The following DGKD variants were observed in gnomAD, a reference collection of about 807,000 sequenced individuals.
The protein encoded by DGKD is DAG kinase delta.
In DGKD, 68 loss-of-function variants were observed where a neutral mutation model predicts 154.4. The observed-to-expected ratio is 0.44, with a 90% CI of 0.36 to 0.54. The LOEUF is 0.54. Ranked by LOEUF, DGKD falls within the 20% of genes least tolerant of loss-of-function variation. DGKD has a pLI of 0.00. For synonymous variants in DGKD, 693 were observed against 638.0 expected (o/e 1.09, Z -1.30); for missense variants, 1,343 against 1,593.6 (o/e 0.84, Z 2.68).
rs1280082214 is a variant in DGKD at position 233,457,012 on chromosome 2, T to G, written c.2472+17T>G. 1.3e-6 allele frequency: 2 copies of G among 1,595,682 alleles called. No individual in the cohort carries two copies. Among genetic ancestry groups the G allele is most frequent in the Admixed American group, 3.3e-5 (2 of 59,990 alleles). The stretch of plus-strand genomic sequence containing the variant: ...TTGCTGGAGGTGAGTGGGAGGGTCC[T>G]TGTCACCTGCAGGCTGGCCTCCATC... On this transcript the variant is annotated intron_variant, in intron 20 of 29. Transcript: ENST00000264057. This position sits in a 1 kb window ranked among gnomAD's most constrained non-coding sequence, Gnocchi z 5.5.
intron 3 of DGKD, among the ~76,000 whole-genome samples, chr2:233,402,328 C>A (rs192831005): frequency 5.3e-5 from 8 of 152,272 alleles, no homozygotes; most frequent in East Asian, 1.9e-4. Flanking sequence ...CACTTTGGGA[C>A]CCCCTTCTTG....
chr2:233,383,028 T>TTTTC lies in DGKD; in HGVS notation c.157-5213_157-5210dup, dbSNP rs1187195292. Among the ~76,000 whole-genome samples, 6 of 151,702 alleles carry TTTTC rather than the reference T, an allele frequency of 4.0e-5. No homozygotes were observed. In the South Asian group the frequency reaches 6.2e-4, roughly 16 times the overall value. On this transcript the variant is annotated intron_variant, in intron 1 of 29. Coordinates refer to ENST00000264057, the MANE Select transcript of DGKD (RefSeq NM_152879.3). ...TTTATCATTCCGTGGGAGTTTCTTT[T>TTTTC]TTTCTTTCTTTCTTTCTTTTTTTTT... is the stretch of plus-strand genomic sequence containing the variant.
chr2:233,457,475 TCCC>T lies in DGKD; in HGVS notation c.2580+150_2580+152del. On this transcript the variant is annotated intron_variant, in intron 21 of 29. Coordinates refer to ENST00000264057, the MANE Select transcript of DGKD (RefSeq NM_152879.3). The surrounding 1 kb of genome is among the most constrained non-coding windows in gnomAD (Gnocchi z 5.5). ...GCCGTGGAGAACAAGATAGACAGGG[TCCC>T]CCACCCAGCTCATCGTCTAGAGGGC... 7.0e-6 allele frequency: 5 copies of T among 712,202 alleles called. No individual in the cohort carries two copies. The highest frequency in any genetic ancestry group is 2.0e-5 in the Admixed American group (1 of 49,914). 44.1% of individuals were successfully genotyped at this position (712,202 alleles called of 1,614,324 possible). A position where few individuals can be genotyped will look rare whatever the true frequency, so the allele number is the denominator to read the frequency against.
chr2:233,437,502 C>G (rs774153689), intron 8 of DGKD, 23 bp downstream of exon 8: 1 of 1,605,034 alleles, frequency 6.2e-7, no homozygotes. Context: ...CATGCTTATC[C>G]TTCTCATGCA....
intron 28 of DGKD, among the ~76,000 whole-genome samples, chr2:233,467,705 C>G (rs1488012939): frequency 1.3e-5 from 2 of 152,196 alleles, no homozygotes; most frequent in African/African-American, 4.8e-5. Flanking sequence ...TGGAGCTAAA[C>G]TCTCTGTCTG....
chr2:233,461,946 T>C (rs1185461479), intron 24 of DGKD, among the ~76,000 whole-genome samples: 2 of 152,180 alleles, frequency 1.3e-5, no homozygotes, highest in African/African-American at 4.8e-5. Context: ...CAGATGAGGG[T>C]CCTTTTGTCC....
At chr2:233,461,641 A>G (rs1039659296) in intron 24 of DGKD, among the ~76,000 whole-genome samples, 1 of 152,198 alleles carries the variant, frequency 6.6e-6, no homozygotes, top group Non-Finnish European at 1.5e-5. Context: ...CTGGAAAGCC[A>G]TTACCCTGTC....
At position 233,470,960 on chromosome 2, in the gene DGKD, T is replaced by TG. The variant is rs1179661343; in HGVS notation, c.*1501dup. 2 of 152,514 alleles carry TG rather than the reference T, an allele frequency of 1.3e-5. No homozygotes were observed. Among genetic ancestry groups the TG allele is most frequent in the African/African-American group, 4.8e-5 (2 of 41,442 alleles). 9.4% of individuals were successfully genotyped at this position (152,514 alleles called of 1,614,324 possible). A position where few individuals can be genotyped will look rare whatever the true frequency, so the allele number is the denominator to read the frequency against. Reference sequence around the variant, plus strand: ...TGATGTGCAGAAGCTGGGCTGCACCTGCGGGGGTGGGCATAGACCGGGCTG... The same window carrying TG: ...TGATGTGCAGAAGCTGGGCTGCACCTGGCGGGGGTGGGCATAGACCGGGCTG... On this transcript the variant is annotated 3_prime_UTR_variant, in exon 30 of 30. Coordinates refer to ENST00000264057, the MANE Select transcript of DGKD (RefSeq NM_152879.3).
At chr2:233,468,369 C>A in intron 28 of DGKD, 54 bp from the exon 29 acceptor site, 1 of 1,599,538 alleles carries the variant, frequency 6.3e-7, no homozygotes, top group South Asian at 1.1e-5. Context: ...CTGCTGCCTA[C>A]CTTGCACTGG....
chr2:233,429,235 C>G, intron 3 of DGKD: 1 of 985,402 alleles, frequency 1.0e-6, no homozygotes, highest in Non-Finnish European at 1.2e-6. Flanking sequence ...TAAAACATCT[C>G]CTTGTTGTCT....
Position 233,379,948 on chromosome 2 carries a change from G to A in DGKD, c.157-8309G>A, listed in dbSNP as rs1393005749. On this transcript the variant is annotated intron_variant, in intron 1 of 29. Transcript: ENST00000264057. Reference sequence around the variant, plus strand: ...CGTTTGAGATAGCTCACTGCCTTCAGGCCAGCGGTAACCTGCATTTTTAAC... The same window carrying A: ...CGTTTGAGATAGCTCACTGCCTTCAAGCCAGCGGTAACCTGCATTTTTAAC... The A allele has an allele frequency of 7.2e-5, 11 of 152,330 alleles. No individual in the cohort carries two copies. In the East Asian group the frequency reaches 2.1e-3, roughly 29 times the overall value. 9.4% of individuals were successfully genotyped at this position (152,330 alleles called of 1,614,324 possible). A position where few individuals can be genotyped will look rare whatever the true frequency, so the allele number is the denominator to read the frequency against.
At chr2:233,464,412 C>T (rs1345530143) in intron 27 of DGKD, 129 bp downstream of exon 27, 5 of 1,118,916 alleles carry the variant, frequency 4.5e-6, no homozygotes, top group Non-Finnish European at 6.4e-6. Context: ...CCTGAGGGGC[C>T]TTCTCCAGAC....
chr2:233,402,744 A>C (rs2061591004), intron 3 of DGKD, among the ~76,000 whole-genome samples: 1 of 152,216 alleles, frequency 6.6e-6, no homozygotes, highest in Non-Finnish European at 1.5e-5. Context: ...CAGAGAATGG[A>C]GGAGTCATTT....
At chr2:233,378,103 A>G (rs1452471601) in intron 1 of DGKD, among the ~76,000 whole-genome samples, 2 of 148,362 alleles carry the variant, frequency 1.3e-5, no homozygotes, top group East Asian at 3.9e-4. Context: ...CACCACGCCC[A>G]GCTATTTTTT....
At chr2:233,450,238 G>A in intron 16 of DGKD, 107 bp downstream of exon 16, 3 of 1,370,566 alleles carry the variant, frequency 2.2e-6, no homozygotes, top group Non-Finnish European at 2.9e-6. Context: ...TAGTTGCTTT[G>A]GCCACTTGGT....
At chr2:233,468,389 A>G (rs745665341) in intron 28 of DGKD, 34 bp from the exon 29 acceptor site, 3 of 1,607,918 alleles carry the variant, frequency 1.9e-6, no homozygotes, top group Admixed American at 1.7e-5. Flanking sequence ...GGCTCTGGGC[A>G]CTCACTGCAC....
Position 233,441,585 on chromosome 2 carries a change from C to T in DGKD, c.1086-302C>T, listed in dbSNP as rs1345101012. On this transcript the variant is annotated intron_variant, in intron 9 of 29. Transcript: ENST00000264057. This position sits in a 1 kb window ranked among gnomAD's most constrained non-coding sequence, Gnocchi z 5.6. Reference sequence around the variant, plus strand: ...CCTGGCAGGGGATGCAGTTTTGGCCCACCACTTTGCCTGTGATGTCTGCAG... The same window carrying T: ...CCTGGCAGGGGATGCAGTTTTGGCCTACCACTTTGCCTGTGATGTCTGCAG... 6.6e-6 allele frequency among the ~76,000 whole-genome samples: 1 copy of T among 152,212 alleles called. No individual in the cohort carries two copies. Among genetic ancestry groups the T allele is most frequent in the African/African-American group, 2.4e-5 (1 of 41,456 alleles).
intron 18 of DGKD, among the ~76,000 whole-genome samples, chr2:233,453,833 G>GAATGA (rs1412862221): frequency 7.0e-6 from 1 of 142,632 alleles, no homozygotes; most frequent in Non-Finnish European, 1.5e-5. Flanking sequence ...GAAGAAACTT[G>GAATGA]AATGAGTCTC....
chr2:233,432,219 G>A (rs562838801), intron 3 of DGKD, among the ~76,000 whole-genome samples: 118 of 96,078 alleles, frequency 1.2e-3, no homozygotes, highest in South Asian at 5.8e-3. Flanking sequence ...GTGAAACCTC[G>A]TCTCTATTAA....
Sources: allele counts gnomAD v4.1 joint callset (sites outside exome capture counted in the v4.1 genomes callset), GRCh38; gene constraint gnomAD v4.1.1; non-coding constraint Gnocchi (gnomAD v3.1); transcripts MANE v1.5; gene names NCBI Gene and HGNC (gene_info 2026-07-23, HGNC 2026-07-21).